Variants in NCAN observed in about 807,000 individuals in gnomAD.
NCAN encodes the protein neurocan core protein.
NCAN carries 47 observed loss-of-function variants against 121.8 expected under a neutral mutation model. The ratio of observed to expected loss-of-function variants is 0.39; its 90% confidence interval spans 0.31 to 0.49. NCAN has a LOEUF of 0.49. Among genes scored for constraint, NCAN ranks in the 20% least tolerant of loss-of-function variants. The pLI, the probability that NCAN is intolerant of heterozygous loss-of-function variation, is 0.92. For missense variants in NCAN, 1,517 were observed against 1,773.4 expected (o/e 0.86, Z 2.60); for synonymous variants, 633 against 702.0 (o/e 0.90, Z 1.55).
chr19:19,219,484 C>T (rs1457670247), intron 3 of NCAN, among the ~76,000 whole-genome samples, 168 bp downstream of exon 3: 1 of 152,046 alleles, frequency 6.6e-6, no homozygotes, highest in Non-Finnish European at 1.5e-5. Flanking sequence ...TGCTTGAGCA[C>T]AGGAGTTCGA....
Position 19,225,842 on chromosome 19 carries a change from C to G in NCAN, c.1072+572C>G, listed in dbSNP as rs1166610157. 2.0e-5 allele frequency among the ~76,000 whole-genome samples: 3 copies of G among 152,230 alleles called. No homozygotes were observed. The highest frequency in any genetic ancestry group is 4.4e-5 in the Non-Finnish European group (3 of 68,020). On this transcript the variant is annotated intron_variant, in intron 6 of 14. Coordinates refer to ENST00000252575, the MANE Select transcript of NCAN (RefSeq NM_004386.3). This position sits in a 1 kb window ranked among gnomAD's most constrained non-coding sequence, Gnocchi z 4.0. The stretch of plus-strand genomic sequence containing the variant: ...ACCTGTACCAGGGGAGGATCCGTCA[C>G]CAAGGTTGAGTTGAACCCCTCAACA...
rs199985147 is a variant in NCAN at position 19,238,430 on chromosome 19, G to T, written c.3409+19G>T. ...ATTAATAGTAGGGGCTCTGGGGAGGGGGCCACCTGCCTGGAGGGTGGGCAG... is the reference window on the plus strand; with the variant it reads ...ATTAATAGTAGGGGCTCTGGGGAGGTGGCCACCTGCCTGGAGGGTGGGCAG... On this transcript the variant is annotated intron_variant, in intron 11 of 14. Transcript: ENST00000252575. 6.2e-7 allele frequency: 1 copy of T among 1,613,924 alleles called. No homozygotes were observed. The highest frequency in any genetic ancestry group is 8.5e-7 in the Non-Finnish European group (1 of 1,179,996).
Position 19,225,330 on chromosome 19 carries a change from C to T in NCAN, c.1072+60C>T. 1 of 1,447,660 alleles carries T rather than the reference C, an allele frequency of 6.9e-7. No homozygotes were observed. The highest frequency in any genetic ancestry group is 9.0e-7 in the Non-Finnish European group (1 of 1,113,076). 89.7% of individuals were successfully genotyped at this position (1,447,660 alleles called of 1,614,324 possible). ...CTTTCACTTTGGCGAAGGCCACGTC[C>T]CTGAAAGCCTCGCCAAGCCAAGGGA... On this transcript the variant is annotated intron_variant, in intron 6 of 14. Transcript: ENST00000252575. The surrounding 1 kb of genome is among the most constrained non-coding windows in gnomAD (Gnocchi z 4.0).
At chr19:19,229,555 G>A (rs1452112507) in intron 8 of NCAN, among the ~76,000 whole-genome samples, 4 of 152,182 alleles carry the variant, frequency 2.6e-5, no homozygotes, top group African/African-American at 9.7e-5. Context: ...ATAGCAAACC[G>A]GGGCTCAGGG....
chr19:19,234,900 C>T, intron 9 of NCAN, 83 bp from the exon 10 acceptor site: 2 of 800,188 alleles, frequency 2.5e-6, no homozygotes, highest in South Asian at 1.8e-5. Flanking sequence ...GGACCATGAC[C>T]CCATCTTCTG....
chr19:19,235,587 T>TA (rs112816434), intron 10 of NCAN, among the ~76,000 whole-genome samples: 11,150 of 151,600 alleles, frequency 0.074, 747 homozygotes, highest in African/African-American at 0.17. Context: ...TATTTTATTT[T>TA]TTTTTTTTGA....
intron 10 of NCAN, 140 bp from the exon 11 acceptor site, chr19:19,238,113 G>C: frequency 9.6e-7 from 1 of 1,038,642 alleles, no homozygotes; most frequent in Non-Finnish European, 1.5e-6. Flanking sequence ...CAGGAGGAGG[G>C]GCCAGGCATG....
intron 12 of NCAN, among the ~76,000 whole-genome samples, chr19:19,244,388 A>G (rs999747401): frequency 6.7e-6 from 1 of 148,992 alleles, no homozygotes; most frequent in Admixed American, 6.8e-5. Flanking sequence ...GCTCACTGCA[A>G]CCTCTGCCTC....
intron 3 of NCAN, among the ~76,000 whole-genome samples, chr19:19,220,998 C>A (rs1426821001): frequency 6.6e-6 from 1 of 152,048 alleles, no homozygotes; most frequent in Non-Finnish European, 1.5e-5. Flanking sequence ...TTTGGGAGAC[C>A]AAGGCAGGAG....
Position 19,226,741 on chromosome 19 carries a change from C to T in NCAN, c.1328C>T (p.Thr443Ile), listed in dbSNP as rs770506287. 4.6e-5 allele frequency: 75 copies of T among 1,613,066 alleles called. No homozygotes were observed. Among genetic ancestry groups the T allele is most frequent in the Non-Finnish European group, 5.3e-5 (63 of 1,179,666 alleles). ...PGDPMLASWP[T>I]GEVWLSTVAP... ...GACCCCATGCTGGCCTCATGGCCCACTGGGGAAGTGTGGCTAAGCACGGTG... is the reference window on the plus strand; with the variant it reads ...GACCCCATGCTGGCCTCATGGCCCATTGGGGAAGTGTGGCTAAGCACGGTG... The change falls in exon 7 of 15, where the codon ACT becomes ATT. Residue 443 changes from threonine (T) to isoleucine (I), a missense_variant. Coordinates refer to ENST00000252575, the MANE Select transcript of NCAN (RefSeq NM_004386.3).
chr19:19,228,527 C>T lies in NCAN; in HGVS notation c.2907C>T (p.Phe969=), dbSNP rs950803741. Residue 969 remains phenylalanine (F), a synonymous_variant, in exon 8 of 15, where the codon TTC becomes TTT. Coordinates refer to ENST00000252575, the MANE Select transcript of NCAN (RefSeq NM_004386.3). ...LLPVTLGIED[F]ELEVLAGSPG... is the part of the protein sequence containing the mutation. The stretch of plus-strand genomic sequence containing the variant: ...CTGTCACCCTGGGCATAGAGGACTT[C>T]GAACTGGAGGTCCTGGCAGGGAGCC... 3.1e-6 allele frequency: 5 copies of T among 1,613,378 alleles called. No individual in the cohort carries two copies. Among genetic ancestry groups the T allele is most frequent in the East Asian group, 2.2e-5 (1 of 44,882 alleles).
At chr19:19,240,905 G>A (rs1599821864) in intron 12 of NCAN, among the ~76,000 whole-genome samples, 1 of 152,262 alleles carries the variant, frequency 6.6e-6, no homozygotes, top group East Asian at 1.9e-4. Flanking sequence ...AGCTGCAGAG[G>A]TTACAAACCT....
chr19:19,247,657 C>G (rs2060929473), intron 13 of NCAN, among the ~76,000 whole-genome samples: 1 of 152,160 alleles, frequency 6.6e-6, no homozygotes, highest in African/African-American at 2.4e-5. Flanking sequence ...TCCCAAAGTG[C>G]TGGCATTACA....
rs746572955 is a variant in NCAN at position 19,227,842 on chromosome 19, C to T, written c.2222C>T (p.Thr741Ile). The change falls in exon 8 of 15, where the codon ACT (threonine) becomes ATT (isoleucine). Residue 741 changes from threonine (T) to isoleucine (I), a missense_variant. Transcript: ENST00000252575. This position sits in a 1 kb window ranked among gnomAD's most constrained non-coding sequence, Gnocchi z 4.2. The part of the protein sequence containing the change: ...NRNVAVGFVP[T>I]ETATEPTGLR... ...AATGTGGCTGTAGGTTTTGTCCCCA[C>T]TGAGACTGCCACTGAGCCAACGGGC... 8.7e-6 allele frequency: 14 copies of T among 1,613,688 alleles called. No homozygotes were observed. In the Admixed American group the frequency reaches 2.2e-4, roughly 25 times the overall value.
chr19:19,236,314 C>G (rs2060880987), intron 10 of NCAN, among the ~76,000 whole-genome samples: 1 of 152,216 alleles, frequency 6.6e-6, no homozygotes, highest in African/African-American at 2.4e-5. Flanking sequence ...GGCATGTTTT[C>G]AAGGTTCACC....
chr19:19,242,274 G>T (rs1277907200), intron 12 of NCAN, among the ~76,000 whole-genome samples: 2 of 152,140 alleles, frequency 1.3e-5, no homozygotes, highest in African/African-American at 4.8e-5. Flanking sequence ...TGTAATCCCA[G>T]CACTTTGGGG....
At chr19:19,243,797 G>A (rs1459033802) in intron 12 of NCAN, among the ~76,000 whole-genome samples, 2 of 152,160 alleles carry the variant, frequency 1.3e-5, no homozygotes, top group Non-Finnish European at 2.9e-5. Context: ...GGAGGCCAAG[G>A]TGGGTGGATC....
Position 19,226,572 on chromosome 19 carries a change from G to C in NCAN, c.1159G>C (p.Val387Leu). The C allele has an allele frequency of 6.2e-7, 1 of 1,613,758 alleles. No homozygotes were observed. The highest frequency in any genetic ancestry group is 8.5e-7 in the Non-Finnish European group (1 of 1,179,860). Residue 387 changes from valine (V) to leucine (L), a missense_variant, in exon 7 of 15, where the codon GTT (valine) becomes CTT (leucine). Physicochemically the swap from Val to Leu is conservative, Grantham distance 32. Coordinates refer to ENST00000252575, the MANE Select transcript of NCAN (RefSeq NM_004386.3). ...GATTCTGTCAGCAGAGGGGCCCCCA[G>C]TTAGAGAACTGGAGCCCACCCTGGA... ...GEILSAEGPP[V>L]RELEPTLEEE...
chr19:19,230,880 C>T (rs555041400), intron 8 of NCAN, among the ~76,000 whole-genome samples: 16 of 130,682 alleles, frequency 1.2e-4, no homozygotes, highest in African/African-American at 4.5e-4. Context: ...CCACCACACC[C>T]GGCTGTGTGT....
Sources: allele counts gnomAD v4.1 joint callset (sites outside exome capture counted in the v4.1 genomes callset), GRCh38; gene constraint gnomAD v4.1.1; non-coding constraint Gnocchi (gnomAD v3.1); transcripts MANE v1.5; gene names NCBI Gene and HGNC (gene_info 2026-07-23, HGNC 2026-07-21).